USP14: variants seen among roughly 807,000 people sequenced by gnomAD.
USP14 encodes the protein ubiquitin carboxyl-terminal hydrolase 14.
In USP14, 38 loss-of-function variants were observed where a neutral mutation model predicts 76.5. The observed-to-expected ratio is 0.50, with a 90% CI of 0.38 to 0.65. The LOEUF (loss-of-function observed/expected upper bound fraction) is 0.65, where lower values mean the gene tolerates loss of function less well. Ranked by LOEUF, USP14 falls within the 30% of genes least tolerant of loss-of-function variation. The probability of loss-of-function intolerance (pLI) is 0.00; values close to 1 mark genes in which losing one functional copy is unlikely to be tolerated. For missense variants in USP14, 467 were observed against 586.5 expected (o/e 0.80, Z 2.10); for synonymous variants, 192 against 191.7 (o/e 1.00, Z -0.01).
intron 5 of USP14, among the ~76,000 whole-genome samples, chr18:181,620 C>A (rs550384696): frequency 1.5e-4 from 23 of 152,218 alleles, no homozygotes; most frequent in African/African-American, 2.2e-4. Flanking sequence ...TATAAGCTGT[C>A]ATTTTACTTT....
rs1156492403 is a variant in USP14, at chr18:179,055, T to G, written c.300+18T>G. ...CATCTGCTGTAAGACACACCAGATT[T>G]TATGTGTTTGATCACTACTTTTTGA... On this transcript the variant is annotated intron_variant, in intron 4 of 15. Transcript: ENST00000261601. 1 of 1,557,774 alleles carries G rather than the reference T, an allele frequency of 6.4e-7. No homozygotes were observed. Among genetic ancestry groups the G allele is most frequent in the Non-Finnish European group, 8.7e-7 (1 of 1,146,384 alleles).
intron 6 of USP14, among the ~76,000 whole-genome samples, chr18:193,573 C>T (rs760006407): frequency 3.6e-4 from 55 of 152,254 alleles, no homozygotes; most frequent in Non-Finnish European, 5.3e-4. Flanking sequence ...AAAGCAACTT[C>T]ATAACATCTA....
chr18:171,056 A>ATATATATAT (rs1568416863), intron 3 of USP14, among the ~76,000 whole-genome samples: 11 of 139,296 alleles, frequency 7.9e-5, no homozygotes, highest in African/African-American at 2.1e-4. Context: ...ATATATATAT[A>ATATATATAT]AACTGAAGCT....
intron 5 of USP14, among the ~76,000 whole-genome samples, chr18:185,977 C>T (rs967603251): frequency 6.6e-6 from 1 of 151,676 alleles, no homozygotes; most frequent in African/African-American, 2.4e-5. Context: ...ACTGGGATTA[C>T]AGGTGTGAGC....
chr18:178,865 T>G lies in USP14; in HGVS notation c.196-68T>G, dbSNP rs775949347. On this transcript the variant is annotated intron_variant, in intron 3 of 15. Coordinates refer to ENST00000261601, the MANE Select transcript of USP14 (RefSeq NM_005151.4). ...TATATGTGTTCTTTTGTTCCTGGCTTCTTTTGGTTTGACATAAACATTACC... is the reference window on the plus strand; with the variant it reads ...TATATGTGTTCTTTTGTTCCTGGCTGCTTTTGGTTTGACATAAACATTACC... The G allele has an allele frequency of 4.3e-6, 5 of 1,175,498 alleles. No homozygotes were observed. In the Admixed American group the frequency reaches 1.2e-4, roughly 28 times the overall value. 72.8% of individuals were successfully genotyped at this position (1,175,498 alleles called of 1,614,324 possible).
rs529778110 is a variant in USP14 at position 213,808 on chromosome 18, T to G, written c.*2524T>G. On this transcript the variant is annotated 3_prime_UTR_variant, in exon 16 of 16. Transcript: ENST00000261601. ...ACTTAGTGCTTTGCTGTGTATAGGG[T>G]GTGTTCACATATATCTCAGTTGAAT... 2.8e-4 allele frequency: 43 copies of G among 152,310 alleles called. No homozygotes were observed. The highest frequency in any genetic ancestry group is 1.0e-3 in the African/African-American group (42 of 41,554). 9.4% of individuals were successfully genotyped at this position (152,310 alleles called of 1,614,324 possible). A position where few individuals can be genotyped will look rare whatever the true frequency, so the allele number is the denominator to read the frequency against.
At position 159,861 on chromosome 18, in the gene USP14, C is replaced by A. The variant is rs930345094; in HGVS notation, c.16+1147C>A. ...ATATTTAATCAGATCTTTTCCTCAT[C>A]CCCCAAATGAAGGAACTCAAGTAGA... On this transcript the variant is annotated intron_variant, in intron 1 of 15. Coordinates refer to ENST00000261601, the MANE Select transcript of USP14 (RefSeq NM_005151.4). Among the ~76,000 whole-genome samples, 57 of 152,136 alleles carry A rather than the reference C, an allele frequency of 3.7e-4. 2 individuals carry two copies. Among genetic ancestry groups the A allele is most frequent in the Non-Finnish European group, 1.0e-4 (7 of 68,028 alleles).
rs1910471674 is a variant in USP14 at position 204,485 on chromosome 18, A to AG, written c.1036-79_1036-78insG. ...TCAACTGTATCTGAATTATGAAAGC[A>AG]TTACTTCAGATATGTGATACTTTAA... On this transcript the variant is annotated intron_variant, in intron 12 of 15. Coordinates refer to ENST00000261601, the MANE Select transcript of USP14 (RefSeq NM_005151.4). 30 of 1,183,160 alleles carry AG rather than the reference A, an allele frequency of 2.5e-5. 1 individual carries two copies. The South Asian group carries it at 5.2e-4, about 21-fold the overall frequency. 73.3% of individuals were successfully genotyped at this position (1,183,160 alleles called of 1,614,324 possible). A position where few individuals can be genotyped will look rare whatever the true frequency, so the allele number is the denominator to read the frequency against.
intron 3 of USP14, among the ~76,000 whole-genome samples, chr18:170,251 C>G (rs1189226041): frequency 1.3e-5 from 2 of 152,134 alleles, no homozygotes; most frequent in Non-Finnish European, 2.9e-5. Flanking sequence ...TTGCAGTGAG[C>G]TGAGATCATG....
chr18:184,121 T>A (rs1006583712), intron 5 of USP14, among the ~76,000 whole-genome samples: 2 of 152,260 alleles, frequency 1.3e-5, no homozygotes, highest in Non-Finnish European at 2.9e-5. Context: ...AAGTATTTTT[T>A]GTTTTTCCTT....
At chr18:182,483 C>T (rs1177317526) in intron 5 of USP14, among the ~76,000 whole-genome samples, 6 of 152,156 alleles carry the variant, frequency 3.9e-5, no homozygotes, top group Admixed American at 1.3e-4. Flanking sequence ...TTCTACATTT[C>T]TCTGAAGCGA....
chr18:209,886 A>G (rs747670549), intron 13 of USP14, 85 bp from the exon 14 acceptor site: 4 of 1,033,912 alleles, frequency 3.9e-6, no homozygotes, highest in Non-Finnish European at 5.7e-6. Flanking sequence ...TAGACAGTAA[A>G]TATTTATGAA....
intron 5 of USP14, among the ~76,000 whole-genome samples, chr18:185,003 T>TA (rs1405365984): frequency 5.9e-5 from 9 of 152,060 alleles, no homozygotes; most frequent in Admixed American, 2.0e-4. Flanking sequence ...CTATATGTTA[T>TA]AAAAAAATCA....
At chr18:206,055 C>T (rs187909990) in intron 13 of USP14, among the ~76,000 whole-genome samples, 203 of 152,316 alleles carry the variant, frequency 1.3e-3, no homozygotes, top group African/African-American at 4.7e-3. Flanking sequence ...ACGTAAGTTC[C>T]ATTTCTCTGG....
intron 13 of USP14, among the ~76,000 whole-genome samples, chr18:206,408 T>A (rs987019829): frequency 1.3e-5 from 2 of 152,266 alleles, no homozygotes; most frequent in African/African-American, 2.4e-5. Context: ...ACTGTTTTTT[T>A]ACTCTTGAAT....
intron 7 of USP14, among the ~76,000 whole-genome samples, chr18:197,163 G>T (rs1462107138): frequency 2.0e-5 from 3 of 152,178 alleles, no homozygotes; most frequent in African/African-American, 7.2e-5. Context: ...CCCTCTTCCT[G>T]CAGGGCCTTT....
rs1910565132 is a variant in USP14, at chr18:207,664, G to C, written c.1165-2307G>C. ...ACTGCACTCCAGTCTGAGTGACTGA[G>C]TAAGACTGTGTCTCAAAAAATAAAA... On this transcript the variant is annotated intron_variant, in intron 13 of 15. Transcript: ENST00000261601. 2.8e-5 allele frequency among the ~76,000 whole-genome samples: 3 copies of C among 105,714 alleles called. 1 individual carries two copies. The highest frequency in any genetic ancestry group is 8.9e-5 in the African/African-American group (3 of 33,878). 69.4% of individuals were successfully genotyped at this position (105,714 alleles called of 152,430 possible).
chr18:163,904 A>G (rs745392885), intron 2 of USP14, among the ~76,000 whole-genome samples: 17 of 150,366 alleles, frequency 1.1e-4, no homozygotes, highest in Non-Finnish European at 2.1e-4. Context: ...CTATGTGTCT[A>G]TGTGTTCTCA....
intron 2 of USP14, among the ~76,000 whole-genome samples, chr18:166,565 G>A (rs1045778653): frequency 9.2e-5 from 14 of 152,030 alleles, no homozygotes; most frequent in South Asian, 2.1e-4. Flanking sequence ...ACTCCTGACC[G>A]CAGGTGATTT....
Sources: allele counts gnomAD v4.1 joint callset (sites outside exome capture counted in the v4.1 genomes callset), GRCh38; gene constraint gnomAD v4.1.1; transcripts MANE v1.5; gene names NCBI Gene and HGNC (gene_info 2026-07-23, HGNC 2026-07-21).